The following PRR5 variants were observed in gnomAD, a reference collection of about 807,000 sequenced individuals.
PRR5 encodes the protein proline-rich protein 5.
In PRR5, 25 loss-of-function variants were observed where a neutral mutation model predicts 30.6. The observed-to-expected ratio is 0.82, with a 90% confidence interval of 0.60 to 1.14. The LOEUF (loss-of-function observed/expected upper bound fraction) is 1.14. PRR5 is among the 50% of genes most tolerant of loss of function. PRR5 has a pLI of 0.00. For missense variants in PRR5, 600 were observed against 547.1 expected, an observed-to-expected ratio of 1.10 and a Z score of -0.96; for synonymous variants, 286 against 247.1, an observed-to-expected ratio of 1.16 and a Z score of -1.48.
Position 44,683,750 on chromosome 22 carries a change from C to G in PRR5, c.-11+6510C>G, listed in dbSNP as rs774353208. On this transcript the variant is annotated intron_variant, in intron 1 of 8. Coordinates refer to the PRR5 transcript ENST00000006251. ...AGCCCTGGCTGCAGAGTCACCCCCT[C>G]TCTCCTCCCCATGGCTCATTAGCTA... is the stretch of plus-strand genomic sequence containing the variant. Among the ~76,000 whole-genome samples, 39 of 152,342 alleles carry G rather than the reference C, an allele frequency of 2.6e-4. No homozygotes were observed. The Middle Eastern group carries it at 0.01, about 40-fold the overall frequency.
rs573924233 is a variant in PRR5, at chr22:44,714,491, C to G, written c.135-100C>G. On this transcript the variant is annotated intron_variant, in intron 1 of 7. Coordinates refer to ENST00000336985, the MANE Select transcript of PRR5 (RefSeq NM_181333.4). ...GCAGGGTCCTGCAGGGATGGCTATC[C>G]TGCCCTTCTAGGAGAGAGGGAAAGA... is the stretch of plus-strand genomic sequence containing the variant. 3.9e-5 allele frequency: 59 copies of G among 1,497,392 alleles called. No individual in the cohort carries two copies. The African/African-American group carries it at 6.7e-4, about 17-fold the overall frequency. 92.8% of individuals were successfully genotyped at this position (1,497,392 alleles called of 1,614,324 possible).
intron 1 of PRR5, among the ~76,000 whole-genome samples, chr22:44,671,704 G>A (rs1394585979): frequency 2.6e-5 from 4 of 152,190 alleles, no homozygotes; most frequent in Non-Finnish European, 4.4e-5. Context: ...CAGCTTAGGC[G>A]ACTGAGGGGG....
At chr22:44,670,770 C>T (rs1280959296) in intron 1 of PRR5, among the ~76,000 whole-genome samples, 1 of 152,160 alleles carries the variant, frequency 6.6e-6, no homozygotes, top group Admixed American at 6.5e-5. Context: ...AGGCGGGCAG[C>T]GTGGTGTGGT....
intron 1 of PRR5, among the ~76,000 whole-genome samples, chr22:44,695,246 G>A (rs1258531657): frequency 6.6e-6 from 1 of 152,160 alleles, no homozygotes; most frequent in African/African-American, 2.4e-5. Flanking sequence ...ATCAGGCATT[G>A]CAATGGGAAT....
chr22:44,733,323 A>AG (rs1922583216), intron 6 of PRR5, among the ~76,000 whole-genome samples: 1 of 152,236 alleles, frequency 6.6e-6, no homozygotes, highest in Non-Finnish European at 1.5e-5. Context: ...CCCATTTTAC[A>AG]GGTAGGGGAC....
intron 2 of PRR5, among the ~76,000 whole-genome samples, chr22:44,718,192 C>CT (rs34868054): frequency 0.36 from 34,074 of 93,490 alleles, 7,477 homozygotes; most frequent in African/African-American, 0.38. Flanking sequence ...TTTCATCTCT[C>CT]TTTTTTTTTT....
At chr22:44,695,651 T>G (rs1327130718) in intron 1 of PRR5, among the ~76,000 whole-genome samples, 1 of 152,118 alleles carries the variant, frequency 6.6e-6, no homozygotes, top group Non-Finnish European at 1.5e-5. Flanking sequence ...CAGGCTGGAG[T>G]GCAATGGCTC....
intron 1 of PRR5, among the ~76,000 whole-genome samples, chr22:44,685,469 A>G (rs1042562047): frequency 6.6e-5 from 10 of 152,328 alleles, no homozygotes; most frequent in African/African-American, 2.4e-4. Context: ...TGCTCCATAG[A>G]GAAGGGCCAT....
chr22:44,723,624 G>T (rs1448570752), intron 2 of PRR5, among the ~76,000 whole-genome samples: 2 of 152,206 alleles, frequency 1.3e-5, no homozygotes, highest in Non-Finnish European at 2.9e-5. Context: ...GGAGGCTGAG[G>T]CAGGAGATTC....
At chr22:44,712,183 G>C (rs1928344851) in intron 1 of PRR5, among the ~76,000 whole-genome samples, 1 of 152,156 alleles carries the variant, frequency 6.6e-6, no homozygotes, top group Non-Finnish European at 1.5e-5. Flanking sequence ...GGAAACAGAA[G>C]GTAGAGAGCC....
intron 6 of PRR5, 111 bp from the exon 7 acceptor site, chr22:44,734,916 G>A: frequency 7.2e-7 from 1 of 1,391,304 alleles, no homozygotes; most frequent in Non-Finnish European, 9.8e-7. Context: ...TGGGAATGGG[G>A]AGGCGGGAGG....
chr22:44,685,710 A>G (rs1458488987), intron 1 of PRR5, among the ~76,000 whole-genome samples: 1 of 152,052 alleles, frequency 6.6e-6, no homozygotes, highest in Non-Finnish European at 1.5e-5. Context: ...GGTGCCTGAC[A>G]CCCTCTCAGA....
At chr22:44,725,497 G>A (rs1473355956) in intron 3 of PRR5, among the ~76,000 whole-genome samples, 1 of 152,196 alleles carries the variant, frequency 6.6e-6, no homozygotes, top group Non-Finnish European at 1.5e-5. Flanking sequence ...TTTTGAGATA[G>A]TCTCACTCTG....
At chr22:44,730,298 C>T (rs1031713430) in intron 4 of PRR5, 1 of 985,160 alleles carries the variant, frequency 1.0e-6, no homozygotes, top group Non-Finnish European at 1.2e-6. Flanking sequence ...CCTCTTCACT[C>T]AGAGGCGCCC....
intron 1 of PRR5, among the ~76,000 whole-genome samples, chr22:44,709,348 G>A (rs558658342): frequency 6.6e-6 from 1 of 151,916 alleles, no homozygotes. Flanking sequence ...AGGGAGAGGC[G>A]GGGGTAAAAG....
chr22:44,703,878 A>G (rs770382012), intron 1 of PRR5, among the ~76,000 whole-genome samples: 2 of 152,088 alleles, frequency 1.3e-5, no homozygotes, highest in Admixed American at 6.5e-5. Context: ...GCAAGACCCT[A>G]TCTCAAAAAA....
chr22:44,685,927 G>C (rs912825850), intron 1 of PRR5, among the ~76,000 whole-genome samples: 2 of 152,210 alleles, frequency 1.3e-5, no homozygotes, highest in Non-Finnish European at 2.9e-5. Flanking sequence ...CTTTCTCCCT[G>C]GGGGAGCACC....
rs904862252 is a variant in PRR5, at chr22:44,691,978, G to A, written c.-10-10514G>A. On this transcript the variant is annotated intron_variant, in intron 1 of 8. Coordinates refer to the PRR5 transcript ENST00000006251. This position sits in a 1 kb window ranked among gnomAD's most constrained non-coding sequence, Gnocchi z 4.4. ...GCTCAATTGATGCCATCAGGAACGCGGGCCAAGTTTTGATGGGCTGTTTCC... is the reference window on the plus strand; with the variant it reads ...GCTCAATTGATGCCATCAGGAACGCAGGCCAAGTTTTGATGGGCTGTTTCC... Among the ~76,000 whole-genome samples, 26 of 152,094 alleles carry A rather than the reference G, an allele frequency of 1.7e-4. No individual in the cohort carries two copies. The highest frequency in any genetic ancestry group is 2.4e-4 in the African/African-American group (10 of 41,398).
intron 1 of PRR5, among the ~76,000 whole-genome samples, chr22:44,684,004 G>A (rs1265246552): frequency 2.0e-5 from 3 of 152,226 alleles, no homozygotes; most frequent in Admixed American, 6.5e-5. Flanking sequence ...TGACTGCAGC[G>A]ACAGGTAGGG....
Sources: gnomAD v4.1 joint callset for allele counts (sites outside exome capture counted in the v4.1 genomes callset) on GRCh38, gnomAD v4.1.1 for gene constraint, Gnocchi (gnomAD v3.1) non-coding constraint, MANE v1.5 for transcripts, NCBI Gene and HGNC (gene_info 2026-07-23, HGNC 2026-07-21) for gene names.